Variants in PDE10A observed in about 807,000 individuals in gnomAD.
PDE10A encodes the protein phosphodiesterase 10A, also known as cAMP and cAMP-inhibited cGMP 3',5'-cyclic phosphodiesterase 10A.
PDE10A carries 39 observed loss-of-function variants against 97.7 expected under a neutral mutation model. The observed-to-expected ratio is 0.40, with a 90% CI of 0.31 to 0.52. The LOEUF (loss-of-function observed/expected upper bound fraction) is 0.52, where lower values mean the gene tolerates loss of function less well. Ranked by LOEUF, PDE10A falls within the 20% of genes least tolerant of loss-of-function variation. The probability of loss-of-function intolerance (pLI) is 0.56; values close to 1 mark genes in which losing one functional copy is unlikely to be tolerated. For synonymous variants in PDE10A, 371 were observed against 376.8 expected (o/e 0.98, Z 0.18); for missense variants, 731 against 1,047.8 (o/e 0.70, Z 4.17).
At chr6:165,434,110 G>A (rs896479909) in intron 6 of PDE10A, among the ~76,000 whole-genome samples, 6 of 150,088 alleles carry the variant, frequency 4.0e-5, no homozygotes, top group Non-Finnish European at 8.9e-5. Flanking sequence ...TCTACTGTCT[G>A]TAAGAAGCTA....
intron 1 of PDE10A, among the ~76,000 whole-genome samples, chr6:165,930,430 T>A (rs1296802815): frequency 6.6e-6 from 1 of 152,228 alleles, no homozygotes; most frequent in East Asian, 1.9e-4. Flanking sequence ...TCTTTGGGTC[T>A]ATGGACATGA....
intron 1 of PDE10A, among the ~76,000 whole-genome samples, chr6:165,645,867 A>AAAAAAAAAAAAAG (rs1313670649): frequency 6.6e-6 from 1 of 151,862 alleles, no homozygotes; most frequent in African/African-American, 2.4e-5. Flanking sequence ...AAAAAAAAAA[A>AAAAAAAAAAAAAG]AAGTTTACTT....
At chr6:165,925,430 C>A (rs1466623036) in intron 1 of PDE10A, among the ~76,000 whole-genome samples, 1 of 152,182 alleles carries the variant, frequency 6.6e-6, no homozygotes, top group South Asian at 2.1e-4. Context: ...ACACAGAAAC[C>A]TGTACACAAA....
At chr6:165,497,062 A>G (rs1248263493) in intron 2 of PDE10A, among the ~76,000 whole-genome samples, 1 of 152,212 alleles carries the variant, frequency 6.6e-6, no homozygotes, top group Non-Finnish European at 1.5e-5. Flanking sequence ...GAAAATATAA[A>G]TAACTACATA....
chr6:165,712,407 T>C (rs571467748), intron 1 of PDE10A, among the ~76,000 whole-genome samples: 7 of 152,140 alleles, frequency 4.6e-5, no homozygotes, highest in Non-Finnish European at 1.0e-4. Flanking sequence ...TTCCTTCAAC[T>C]ATAAGGTACC....
At chr6:165,807,243 G>A (rs541502732) in intron 1 of PDE10A, among the ~76,000 whole-genome samples, 72 of 148,438 alleles carry the variant, frequency 4.9e-4, no homozygotes, top group African/African-American at 1.6e-3. Flanking sequence ...ATGTGGACAC[G>A]CCTGCATATT....
chr6:165,453,476 G>T (rs766620877), intron 3 of PDE10A, among the ~76,000 whole-genome samples: 3 of 152,192 alleles, frequency 2.0e-5, no homozygotes, highest in Non-Finnish European at 4.4e-5. Flanking sequence ...TCCCACCACA[G>T]GCTCAGAGCA....
At chr6:165,901,887 T>C (rs1197184479) in intron 1 of PDE10A, among the ~76,000 whole-genome samples, 2 of 152,030 alleles carry the variant, frequency 1.3e-5, no homozygotes, top group Non-Finnish European at 2.9e-5. Context: ...GCCCGTCACA[T>C]AAAATTATCC....
rs561730862 is a variant in PDE10A at position 165,745,987 on chromosome 6, T to C, written c.-614-202419A>G. On this transcript the variant is annotated intron_variant, in intron 1 of 19. Coordinates refer to the PDE10A transcript ENST00000366882. The stretch of plus-strand genomic sequence containing the variant: ...ATGGCAGCTACAAGGACGTTTGTTA[T>C]ACTATTCTTTGTATATTTCTGTATG... 7.9e-5 allele frequency among the ~76,000 whole-genome samples: 12 copies of C among 152,378 alleles called. No homozygotes were observed. The South Asian group carries it at 2.5e-3, about 32-fold the overall frequency.
intron 1 of PDE10A, among the ~76,000 whole-genome samples, chr6:165,629,579 G>A (rs1212318795): frequency 2.7e-5 from 4 of 146,256 alleles, no homozygotes; most frequent in East Asian, 2.0e-4. Context: ...AGGCTGGAGT[G>A]CAGGAGTGCG....
At chr6:165,875,746 T>TTTTTTTTTTTTTTTTTTG (rs780504850) in intron 1 of PDE10A, among the ~76,000 whole-genome samples, 5 of 147,008 alleles carry the variant, frequency 3.4e-5, no homozygotes, top group African/African-American at 1.1e-4. Flanking sequence ...TTTTTTTTTT[T>TTTTTTTTTTTTTTTTTTG]TGTGTGTGTG....
chr6:165,837,072 A>C (rs1273861346), intron 1 of PDE10A, among the ~76,000 whole-genome samples: 1 of 120,932 alleles, frequency 8.3e-6, no homozygotes, highest in Non-Finnish European at 1.7e-5. Flanking sequence ...GGGGGGAGGG[A>C]TAGCACTGGG....
chr6:165,553,483 T>C (rs1784113355), intron 1 of PDE10A, among the ~76,000 whole-genome samples: 1 of 152,182 alleles, frequency 6.6e-6, no homozygotes, highest in Non-Finnish European at 1.5e-5. Context: ...CCCAAATATA[T>C]CACCTAAAAT....
chr6:165,629,084 T>C (rs1365288314), intron 1 of PDE10A, among the ~76,000 whole-genome samples: 1 of 151,942 alleles, frequency 6.6e-6, no homozygotes, highest in Non-Finnish European at 1.5e-5. Flanking sequence ...AGTGGGTAGA[T>C]GGTGTGGGAG....
At chr6:165,339,916 A>ATAGTTACTAAAGATTCACTATGT (rs1781878639) in intron 19 of PDE10A, among the ~76,000 whole-genome samples, 1 of 152,202 alleles carries the variant, frequency 6.6e-6, no homozygotes, top group Non-Finnish European at 1.5e-5. Flanking sequence ...GTTACAGGTA[A>ATAGTTACTAAAGATTCACTATGT]TAGTTACTAA....
chr6:165,500,193 T>C (rs757525693), intron 2 of PDE10A, among the ~76,000 whole-genome samples: 15 of 152,058 alleles, frequency 9.9e-5, no homozygotes, highest in Non-Finnish European at 1.3e-4. Flanking sequence ...ACTAATAACA[T>C]AGTTTACATT....
chr6:165,914,580 A>G (rs1438676259), intron 1 of PDE10A, among the ~76,000 whole-genome samples: 1 of 152,202 alleles, frequency 6.6e-6, no homozygotes, highest in Non-Finnish European at 1.5e-5. Context: ...GAAAAATGAA[A>G]GTGTCAAGGG....
intron 10 of PDE10A, among the ~76,000 whole-genome samples, chr6:165,428,366 C>T (rs889551874): frequency 3.3e-5 from 5 of 152,250 alleles, no homozygotes; most frequent in East Asian, 3.9e-4. Flanking sequence ...GAATTCCCCA[C>T]ATGTCCCATA....
chr6:165,426,784 C>T lies in PDE10A; in HGVS notation c.1653+1874G>A, dbSNP rs563465490. On this transcript the variant is annotated intron_variant, in intron 10 of 21. Transcript: ENST00000539869. ...TCTTAACAAGTCAATAATAAAAATA[C>T]GAAGAATTCAATTAAAAAGTGGTCT... Among the ~76,000 whole-genome samples the T allele has an allele frequency of 5.9e-5, 9 of 152,104 alleles. No individual in the cohort carries two copies. In the East Asian group the frequency reaches 9.7e-4, roughly 16 times the overall value.
Sources: gnomAD v4.1 joint callset for allele counts (sites outside exome capture counted in the v4.1 genomes callset) on GRCh38, gnomAD v4.1.1 for gene constraint, MANE v1.5 for transcripts, NCBI Gene and HGNC (gene_info 2026-07-23, HGNC 2026-07-21) for gene names.